The following DHDH variants were observed in gnomAD, a reference collection of about 807,000 sequenced individuals.
DHDH encodes the protein dihydrodiol dehydrogenase, also known as trans-1,2-dihydrobenzene-1,2-diol dehydrogenase.
A neutral mutation model predicts 33.2 loss-of-function variants in DHDH; 29 were observed. The ratio of observed to expected loss-of-function variants is 0.87; its 90% CI spans 0.65 to 1.19. The LOEUF is 1.19. DHDH is among the 50% of genes most tolerant of loss of function. The probability of loss-of-function intolerance (pLI) is 0.00; values close to 1 mark genes in which losing one functional copy is unlikely to be tolerated. For synonymous variants in DHDH, 201 were observed against 187.9 expected, an observed-to-expected ratio of 1.07 and a Z score of -0.57; for missense variants, 431 against 455.0, an observed-to-expected ratio of 0.95 and a Z score of 0.48.
chr19:48,937,040 T>A (rs2037787821), intron 3 of DHDH, among the ~76,000 whole-genome samples: 1 of 151,900 alleles, frequency 6.6e-6, no homozygotes, highest in South Asian at 2.1e-4. Context: ...TGCCGCGGCC[T>A]CCCAAAGTGC....
chr19:48,936,380 T>C (rs991787852), intron 3 of DHDH, among the ~76,000 whole-genome samples, 185 bp downstream of exon 3: 1 of 152,170 alleles, frequency 6.6e-6, no homozygotes, highest in African/African-American at 2.4e-5. Context: ...CTGAAATTGC[T>C]TGGATCTTTT....
intron 5 of DHDH, among the ~76,000 whole-genome samples, chr19:48,943,320 T>G (rs2037892520): frequency 6.6e-6 from 1 of 151,856 alleles, no homozygotes; most frequent in Non-Finnish European, 1.5e-5. Context: ...CGGAAGTGCA[T>G]CCGGGGGAGG....
chr19:48,939,881 T>C (rs2037833667), intron 4 of DHDH, among the ~76,000 whole-genome samples, 180 bp downstream of exon 4: 1 of 152,210 alleles, frequency 6.6e-6, no homozygotes, highest in African/African-American at 2.4e-5. Context: ...CCTGGGACTT[T>C]GCTGTGTGAT....
intron 3 of DHDH, among the ~76,000 whole-genome samples, chr19:48,936,984 A>G (rs1212542156): frequency 2.6e-5 from 4 of 151,772 alleles, no homozygotes; most frequent in Non-Finnish European, 5.9e-5. Context: ...GGGTTTCACC[A>G]TGTTGGCCAG....
At chr19:48,942,076 C>T (rs538954254) in intron 4 of DHDH, among the ~76,000 whole-genome samples, 13 of 151,328 alleles carry the variant, frequency 8.6e-5, no homozygotes, top group African/African-American at 2.2e-4. Flanking sequence ...GGTGCCATCT[C>T]GGCTCACTTC....
intron 3 of DHDH, among the ~76,000 whole-genome samples, 171 bp from the exon 4 acceptor site, chr19:48,939,278 C>CAA (rs199651046): frequency 6.9e-6 from 1 of 145,534 alleles, no homozygotes; most frequent in Admixed American, 6.9e-5. Flanking sequence ...TATCTCTATT[C>CAA]AAAAAAAAAA....
chr19:48,935,126 C>A lies in DHDH; in HGVS notation c.202+15C>A. ...CCCGAGCGTGGGTGAGTGGCGAGGG[C>A]GATGGGGGTGCTGGCCGCCGCCCCT... On this transcript the variant is annotated intron_variant, in intron 2 of 6. Coordinates refer to ENST00000221403, the MANE Select transcript of DHDH (RefSeq NM_014475.4). 6.5e-7 allele frequency: 1 copy of A among 1,532,946 alleles called. No individual in the cohort carries two copies. Among genetic ancestry groups the A allele is most frequent in the Non-Finnish European group, 8.8e-7 (1 of 1,141,636 alleles). The allele number at this position is 1,532,946 out of a possible 1,614,324, so 95.0% of individuals were successfully genotyped here.
intron 3 of DHDH, 68 bp from the exon 4 acceptor site, chr19:48,939,381 C>T (rs1362887676): frequency 6.5e-7 from 1 of 1,531,328 alleles, no homozygotes; most frequent in Non-Finnish European, 8.8e-7. Context: ...CAGTGGGTAT[C>T]CCCCTATGAT....
intron 3 of DHDH, among the ~76,000 whole-genome samples, chr19:48,937,334 C>T (rs2037792539): frequency 6.6e-6 from 1 of 152,136 alleles, no homozygotes; most frequent in Admixed American, 6.6e-5. Context: ...CGTCCTGCCC[C>T]GCCCTTCCCC....
intron 4 of DHDH, among the ~76,000 whole-genome samples, chr19:48,941,583 A>G (rs1321449312): frequency 6.6e-6 from 1 of 150,980 alleles, no homozygotes; most frequent in Non-Finnish European, 1.5e-5. Context: ...GAGTTTCCCC[A>G]TGTTGCCCAG....
chr19:48,944,822 A>T lies in DHDH; in HGVS notation c.896-2A>T. 1 of 1,612,782 alleles carries T rather than the reference A, an allele frequency of 6.2e-7. No individual in the cohort carries two copies. Among genetic ancestry groups the T allele is most frequent in the Non-Finnish European group, 8.5e-7 (1 of 1,179,644 alleles). On this transcript the variant is annotated splice_acceptor_variant, in intron 6 of 6. Transcript: ENST00000221403. LOFTEE classifies it high-confidence loss of function. Reference sequence around the variant, plus strand: ...GGGTCCCTAACTACACTCTCCCCACAGGTATGAAGGAAAGTCCTGTGATTC... The same window carrying T: ...GGGTCCCTAACTACACTCTCCCCACTGGTATGAAGGAAAGTCCTGTGATTC...
At chr19:48,937,595 G>A (rs1481565584) in intron 3 of DHDH, among the ~76,000 whole-genome samples, 3 of 151,596 alleles carry the variant, frequency 2.0e-5, no homozygotes, top group Admixed American at 1.3e-4. Flanking sequence ...GGCGGATCAC[G>A]ACGTCAGGAG....
At chr19:48,935,790 C>T (rs1270175274) in intron 2 of DHDH, among the ~76,000 whole-genome samples, 2 of 151,786 alleles carry the variant, frequency 1.3e-5, no homozygotes, top group African/African-American at 4.8e-5. Flanking sequence ...GCACTCCAGC[C>T]TGGGCGAAGA....
upstream of DHDH, among the ~76,000 whole-genome samples, chr19:48,932,984 G>A (rs1323788515): frequency 6.6e-6 from 1 of 152,136 alleles, no homozygotes; most frequent in African/African-American, 2.4e-5. Flanking sequence ...GAAGGGGCAA[G>A]GAGGGTTTTG....
intron 5 of DHDH, among the ~76,000 whole-genome samples, chr19:48,942,787 GC>G (rs1284047418): frequency 6.6e-6 from 1 of 151,722 alleles, no homozygotes. Flanking sequence ...TGGCACGGTG[GC>G]TCACGTCTGT....
intron 3 of DHDH, among the ~76,000 whole-genome samples, chr19:48,938,684 G>A (rs138138298): frequency 0.011 from 1,616 of 142,894 alleles, 31 homozygotes; most frequent in African/African-American, 0.04. Flanking sequence ...TCGCTCTGTC[G>A]CCCAGGCTGG....
At chr19:48,940,272 T>C (rs551641733) in intron 4 of DHDH, among the ~76,000 whole-genome samples, 4 of 151,958 alleles carry the variant, frequency 2.6e-5, no homozygotes, top group Admixed American at 6.6e-5. Flanking sequence ...GGAGAATCAC[T>C]TGAACCCAGG....
intron 2 of DHDH, among the ~76,000 whole-genome samples, 161 bp from the exon 3 acceptor site, chr19:48,935,871 G>T (rs1373031526): frequency 1.3e-5 from 2 of 152,088 alleles, no homozygotes; most frequent in African/African-American, 4.8e-5. Context: ...CGAGAATGGC[G>T]AGAGGTAACA....
rs1297221799 is a variant in DHDH, at chr19:48,935,100, A to G, written c.191A>G (p.Asp64Gly). 2 of 1,574,864 alleles carry G rather than the reference A, an allele frequency of 1.3e-6. No individual in the cohort carries two copies. The highest frequency in any genetic ancestry group is 4.7e-5 in the East Asian group (2 of 42,966). Residue 64 changes from aspartate to glycine, a missense_variant, in exon 2 of 7, where the codon GAC becomes GGC. By Grantham distance (94) the Asp-to-Gly change is moderately conservative. Coordinates refer to ENST00000221403, the MANE Select transcript of DHDH (RefSeq NM_014475.4). The stretch of plus-strand genomic sequence containing the variant: ...GGCTCCTATGAGGAGCTGGCCAAGG[A>G]CCCGAGCGTGGGTGAGTGGCGAGGG... ...AYGSYEELAK[D>G]PSVEVAYIGT...
Sources: gnomAD v4.1 joint callset for allele counts (sites outside exome capture counted in the v4.1 genomes callset) on GRCh38, gnomAD v4.1.1 for gene constraint, MANE v1.5 for transcripts, NCBI Gene and HGNC (gene_info 2026-07-23, HGNC 2026-07-21) for gene names.